FOXP2: variants seen among roughly 807,000 people sequenced by gnomAD.
FOXP2 encodes the protein forkhead box protein P2.
A neutral mutation model predicts 115.8 loss-of-function variants in FOXP2; 12 were observed. The ratio of observed to expected loss-of-function variants is 0.10; its 90% CI spans 0.07 to 0.17. The LOEUF (loss-of-function observed/expected upper bound fraction) is 0.17, where lower values mean the gene tolerates loss of function less well. Among genes scored for constraint, FOXP2 ranks in the 10% least tolerant of loss-of-function variants. The pLI is 1.00. For synonymous variants in FOXP2, 328 were observed against 297.7 expected (o/e 1.10, Z -1.05); for missense variants, 629 against 843.5 (o/e 0.75, Z 3.15).
Position 114,666,167 on chromosome 7 carries a change from A to G in FOXP2, c.2003+1731A>G, listed in dbSNP as rs1479285358. 6.6e-5 allele frequency: 10 copies of G among 152,102 alleles called. No individual in the cohort carries two copies. The East Asian group carries it at 1.9e-3, about 29-fold the overall frequency. 9.4% of individuals were successfully genotyped at this position (152,102 alleles called of 1,614,324 possible). A position where few individuals can be genotyped will look rare whatever the true frequency, so the allele number is the denominator to read the frequency against. ...AATATATAACACATTTTATGCTTAT[A>G]TGAATTAGTGCATTTGAAAAATACT... On this transcript the variant is annotated intron_variant, in intron 16 of 16. Transcript: ENST00000350908.
chr7:114,093,999 A>C (rs1354375543), intron 1 of FOXP2, among the ~76,000 whole-genome samples: 1 of 152,200 alleles, frequency 6.6e-6, no homozygotes, highest in Non-Finnish European at 1.5e-5. Flanking sequence ...TAAACTATGA[A>C]TACAGCAAGG....
intron 1 of FOXP2, among the ~76,000 whole-genome samples, chr7:114,219,923 G>A (rs1240967071): frequency 6.6e-6 from 1 of 151,798 alleles, no homozygotes; most frequent in Non-Finnish European, 1.5e-5. Flanking sequence ...CTGGAGTGCA[G>A]TGGCGCGATC....
chr7:114,205,775 C>CAAGCAAGTGG (rs1418533290), intron 1 of FOXP2, among the ~76,000 whole-genome samples: 2 of 152,134 alleles, frequency 1.3e-5, no homozygotes, highest in Non-Finnish European at 2.9e-5. Flanking sequence ...TCAAGTTCTC[C>CAAGCAAGTGG]CTTATTCATG....
At chr7:114,523,206 G>C (rs779204101) in intron 2 of FOXP2, among the ~76,000 whole-genome samples, 1 of 152,056 alleles carries the variant, frequency 6.6e-6, no homozygotes, top group Admixed American at 6.6e-5. Context: ...TCAATGATAG[G>C]GATGAGATCA....
At chr7:114,611,684 G>A (rs1803636682) in intron 3 of FOXP2, among the ~76,000 whole-genome samples, 1 of 152,022 alleles carries the variant, frequency 6.6e-6, no homozygotes, top group South Asian at 2.1e-4. Flanking sequence ...ATTTTGACTG[G>A]CATTTCGCTA....
At chr7:114,172,056 A>ATTGC (rs1793157872) in intron 1 of FOXP2, among the ~76,000 whole-genome samples, 1 of 152,164 alleles carries the variant, frequency 6.6e-6, no homozygotes, top group Non-Finnish European at 1.5e-5. Flanking sequence ...TAAGTGAGGA[A>ATTGC]TTGCTTCCTA....
intron 2 of FOXP2, among the ~76,000 whole-genome samples, chr7:114,476,275 T>A (rs1490295679): frequency 6.6e-6 from 1 of 151,996 alleles, no homozygotes; most frequent in African/African-American, 2.4e-5. Flanking sequence ...AAATCTTTGA[T>A]TGATTTTGAG....
At chr7:114,436,879 T>C (rs1362586055) in intron 2 of FOXP2, among the ~76,000 whole-genome samples, 2 of 152,178 alleles carry the variant, frequency 1.3e-5, no homozygotes, top group Non-Finnish European at 2.9e-5. Flanking sequence ...TACTCTGGCT[T>C]ATAATAAACA....
At chr7:114,113,757 A>T (rs969604585) in intron 1 of FOXP2, among the ~76,000 whole-genome samples, 1 of 151,352 alleles carries the variant, frequency 6.6e-6, no homozygotes, top group Non-Finnish European at 1.5e-5. Flanking sequence ...TCCTGCCTTG[A>T]CCTCCCAAAG....
intron 6 of FOXP2, among the ~76,000 whole-genome samples, chr7:114,641,912 T>C (rs1805554275): frequency 6.6e-6 from 1 of 152,054 alleles, no homozygotes; most frequent in South Asian, 2.1e-4. Context: ...TTCAGGCAAT[T>C]CTCCCGCCTC....
chr7:114,135,980 C>A, intron 1 of FOXP2, among the ~76,000 whole-genome samples: 1 of 151,832 alleles, frequency 6.6e-6, no homozygotes, highest in Non-Finnish European at 1.5e-5. Flanking sequence ...TTGTATACAC[C>A]TAATGTTCCT....
intron 2 of FOXP2, among the ~76,000 whole-genome samples, chr7:114,504,910 A>G (rs1011760225): frequency 4.6e-5 from 7 of 151,656 alleles, no homozygotes. Context: ...CCTTGACTTT[A>G]GTGCTTTTTC....
chr7:114,159,016 G>A (rs1467875033), upstream of FOXP2, among the ~76,000 whole-genome samples: 1 of 152,108 alleles, frequency 6.6e-6, no homozygotes, highest in Non-Finnish European at 1.5e-5. Flanking sequence ...GAATGTGAAG[G>A]TTAGGGGAGG....
At chr7:114,620,514 C>G (rs1642679140) in intron 3 of FOXP2, among the ~76,000 whole-genome samples, 1 of 152,020 alleles carries the variant, frequency 6.6e-6, no homozygotes, top group South Asian at 2.1e-4. Context: ...ACCTATAATG[C>G]TAGAAACCTT....
chr7:114,427,313 G>GACA (rs1793902992), intron 2 of FOXP2, among the ~76,000 whole-genome samples: 2 of 150,914 alleles, frequency 1.3e-5, no homozygotes, highest in Non-Finnish European at 3.0e-5. Flanking sequence ...TTTAAATCTG[G>GACA]AAATGTTAAC....
chr7:114,192,437 A>G (rs1054503042), intron 1 of FOXP2, among the ~76,000 whole-genome samples: 4 of 152,220 alleles, frequency 2.6e-5, no homozygotes, highest in African/African-American at 9.6e-5. Context: ...TAAAGCTGCT[A>G]TAAATGTCTC....
intron 1 of FOXP2, among the ~76,000 whole-genome samples, chr7:114,233,227 A>G (rs1197892434): frequency 2.0e-5 from 3 of 152,250 alleles, no homozygotes; most frequent in Non-Finnish European, 4.4e-5. Flanking sequence ...AGTATTAACA[A>G]CAATATTTTT....
chr7:114,693,592 A>G lies in FOXP2; in HGVS notation c.*3666A>G, dbSNP rs1481604583. The G allele has an allele frequency of 1.3e-5, 6 of 453,134 alleles. No homozygotes were observed. Among genetic ancestry groups the G allele is most frequent in the Non-Finnish European group, 2.2e-5 (5 of 226,424 alleles). The allele number at this position is 453,134 out of a possible 1,614,324, so 28.1% of individuals were successfully genotyped here. On this transcript the variant is annotated 3_prime_UTR_variant, in exon 17 of 17. Transcript: ENST00000350908. The stretch of plus-strand genomic sequence containing the variant: ...GTTGCAACGAAAGGTTTTTTTGTCC[A>G]TGAACACTTGGCATATCTTACTTAG...
chr7:114,295,883 A>G (rs1796732345), intron 2 of FOXP2, among the ~76,000 whole-genome samples: 1 of 152,010 alleles, frequency 6.6e-6, no homozygotes, highest in Non-Finnish European at 1.5e-5. Flanking sequence ...AGTAGGTCTA[A>G]TTTAGATTGA....
Sources: allele counts gnomAD v4.1 joint callset (sites outside exome capture counted in the v4.1 genomes callset), GRCh38; gene constraint gnomAD v4.1.1; transcripts MANE v1.5; gene names NCBI Gene and HGNC (gene_info 2026-07-23, HGNC 2026-07-21).